Variants in ZC3H7A observed in about 807,000 individuals in gnomAD.
ZC3H7A encodes the protein zinc finger CCCH-type containing 7A.
Under a neutral mutation model 125.5 loss-of-function variants are expected in ZC3H7A, and 44 were observed. The observed-to-expected ratio is 0.35, with a 90% CI of 0.28 to 0.45. The LOEUF is 0.45. Among genes scored for constraint, ZC3H7A ranks in the 20% least tolerant of loss-of-function variants. The pLI is 1.00. For synonymous variants in ZC3H7A, 399 were observed against 391.2 expected, an observed-to-expected ratio of 1.02 and a Z score of -0.23; for missense variants, 977 against 1,170.7, an observed-to-expected ratio of 0.83 and a Z score of 2.41.
chr16:11,791,134 C>T (rs1014207011), intron 1 of ZC3H7A, among the ~76,000 whole-genome samples: 2 of 148,322 alleles, frequency 1.3e-5, no homozygotes, highest in East Asian at 4.0e-4. Flanking sequence ...CACACACATC[C>T]CAATGCTTGC....
intron 4 of ZC3H7A, among the ~76,000 whole-genome samples, chr16:11,778,900 G>C (rs1363584311): frequency 1.3e-5 from 2 of 151,910 alleles, no homozygotes; most frequent in African/African-American, 2.4e-5. Context: ...TTTTAGTAGA[G>C]ACGGGGTTTC....
rs555696264 is a variant in ZC3H7A at position 11,772,052 on chromosome 16, C to T, written c.904-1065G>A. ...TACTAAAAATACACAAAAAATTAGC[C>T]GGGCGTGGTAGCGGGCACCTGTAAT... On this transcript the variant is annotated intron_variant, in intron 9 of 22. Coordinates refer to ENST00000355758, the MANE Select transcript of ZC3H7A (RefSeq NM_014153.4). Among the ~76,000 whole-genome samples the T allele has an allele frequency of 8.6e-5, 13 of 151,876 alleles. No individual in the cohort carries two copies. In the South Asian group the frequency reaches 1.5e-3, roughly 17 times the overall value.
intron 4 of ZC3H7A, 143 bp from the exon 5 acceptor site, chr16:11,777,052 T>G (rs1433259451): frequency 1.6e-6 from 1 of 617,768 alleles, no homozygotes; most frequent in Non-Finnish European, 2.5e-6. Context: ...CTTTTATTTT[T>G]TAAATTATTT....
At chr16:11,781,608 T>A in intron 2 of ZC3H7A, 144 bp from the exon 3 acceptor site, 1 of 606,896 alleles carries the variant, frequency 1.6e-6, no homozygotes, top group Non-Finnish European at 2.9e-6. Flanking sequence ...TTTACTACCA[T>A]TATTCACAGA....
chr16:11,782,110 C>T lies in ZC3H7A; in HGVS notation c.68+177G>A, dbSNP rs144709882. Among the ~76,000 whole-genome samples the T allele has an allele frequency of 3.5e-4, 53 of 152,158 alleles. No homozygotes were observed. The East Asian group carries it at 9.4e-3, about 27-fold the overall frequency. On this transcript the variant is annotated intron_variant, in intron 2 of 22. Transcript: ENST00000355758. ...AGCCAGCAAAAGTAACACTTGCTTC[C>T]GAATGCAAGAATGTTCAAATGGACA...
Position 11,779,223 on chromosome 16 carries a change from G to C in ZC3H7A, c.249C>G (p.Ile83Met). ...ADYAKSEEIL[I>M]PKEIIEKLYI... ...ATAGTTTTTCAATTATTTCTTTGGG[G>C]ATTAAAATTTCTTCAGATTTTGCAT... Residue 83 changes from isoleucine to methionine, a missense_variant, in exon 4 of 23, where the codon ATC (isoleucine) becomes ATG (methionine). Ile to Met is a conservative substitution (Grantham distance 10). Transcript: ENST00000355758. 1 of 1,611,110 alleles carries C rather than the reference G, an allele frequency of 6.2e-7. No homozygotes were observed. Among genetic ancestry groups the C allele is most frequent in the Non-Finnish European group, 8.5e-7 (1 of 1,177,530 alleles).
intron 1 of ZC3H7A, among the ~76,000 whole-genome samples, chr16:11,788,575 A>G (rs528212670): frequency 1.8e-3 from 191 of 104,220 alleles, no homozygotes; most frequent in African/African-American, 4.9e-3. Context: ...TACCAGTCTC[A>G]GAAAAGTCCA....
intron 3 of ZC3H7A, among the ~76,000 whole-genome samples, chr16:11,780,326 GC>G (rs2053155051): frequency 6.6e-6 from 1 of 151,924 alleles, no homozygotes; most frequent in South Asian, 2.1e-4. Context: ...TCGCCATGTT[GC>G]CCAGGCTGGT....
At chr16:11,796,877 G>A (rs2053447538) in intron 1 of ZC3H7A, 1 of 151,086 alleles carries the variant, frequency 6.6e-6, no homozygotes, top group Non-Finnish European at 1.5e-5. Context: ...GCAGAAGTGG[G>A]TCACGTTATT....
At chr16:11,755,974 C>T (rs1718346782) in intron 21 of ZC3H7A, among the ~76,000 whole-genome samples, 1 of 152,092 alleles carries the variant, frequency 6.6e-6, no homozygotes, top group Non-Finnish European at 1.5e-5. Flanking sequence ...ACCATCCTGG[C>T]CAACATGGTG....
At chr16:11,756,024 G>A (rs562158700) in intron 21 of ZC3H7A, among the ~76,000 whole-genome samples, 33 of 152,254 alleles carry the variant, frequency 2.2e-4, no homozygotes, top group South Asian at 1.5e-3. Flanking sequence ...TTAGCTGGGC[G>A]TGGTGGCGCG....
At chr16:11,761,592 C>T (rs1311370666) in intron 18 of ZC3H7A, 81 bp from the exon 19 acceptor site, 8 of 1,416,986 alleles carry the variant, frequency 5.6e-6, no homozygotes, top group African/African-American at 2.9e-5. Flanking sequence ...AAAGTTTGTA[C>T]CTGAGGAACC....
intron 22 of ZC3H7A, among the ~76,000 whole-genome samples, chr16:11,752,080 A>G (rs1246763089): frequency 6.6e-6 from 1 of 151,814 alleles, no homozygotes; most frequent in East Asian, 1.9e-4. Flanking sequence ...TAATTTTTGT[A>G]GTTTTAGTAG....
At chr16:11,757,034 C>T (rs1398471479) in intron 20 of ZC3H7A, among the ~76,000 whole-genome samples, 1 of 152,218 alleles carries the variant, frequency 6.6e-6, no homozygotes, top group Non-Finnish European at 1.5e-5. Context: ...GACATTCTGG[C>T]TAGAGAATTC....
chr16:11,795,739 G>A (rs1456228002), intron 1 of ZC3H7A, among the ~76,000 whole-genome samples: 1 of 151,938 alleles, frequency 6.6e-6, no homozygotes, highest in African/African-American at 2.4e-5. Context: ...CGCCCGGCCC[G>A]TATATGTCAT....
chr16:11,760,706 G>A (rs571295028), intron 19 of ZC3H7A, among the ~76,000 whole-genome samples: 5 of 152,304 alleles, frequency 3.3e-5, no homozygotes, highest in African/African-American at 4.8e-5. Flanking sequence ...GCTAACGCAC[G>A]TGTGAAGTGC....
chr16:11,790,402 C>A (rs770608853), intron 1 of ZC3H7A, among the ~76,000 whole-genome samples: 3 of 152,190 alleles, frequency 2.0e-5, no homozygotes, highest in Non-Finnish European at 4.4e-5. Flanking sequence ...TTCTTCCAGG[C>A]TGAGCTTTAC....
chr16:11,794,849 ACC>A (rs1223461065), intron 1 of ZC3H7A, among the ~76,000 whole-genome samples: 1 of 152,222 alleles, frequency 6.6e-6, no homozygotes, highest in Admixed American at 6.5e-5. Flanking sequence ...CTGACAAGCC[ACC>A]ATTCTTATTT....
chr16:11,774,918 C>A, intron 8 of ZC3H7A, 62 bp downstream of exon 8: 1 of 1,546,280 alleles, frequency 6.5e-7, no homozygotes, highest in Admixed American at 1.7e-5. Flanking sequence ...ACATCACATA[C>A]AAAGACATCA....
Sources: allele counts gnomAD v4.1 joint callset (sites outside exome capture counted in the v4.1 genomes callset), GRCh38; gene constraint gnomAD v4.1.1; transcripts MANE v1.5; gene names NCBI Gene and HGNC (gene_info 2026-07-23, HGNC 2026-07-21).